The following NOC3L variants were observed in gnomAD, a reference collection of about 807,000 sequenced individuals.
The protein encoded by NOC3L is nucleolar complex protein 3 homolog.
NOC3L carries 85 observed loss-of-function variants against 102.5 expected under a neutral mutation model. The ratio of observed to expected loss-of-function variants is 0.83; its 90% CI spans 0.70 to 0.99. NOC3L has a LOEUF of 0.99. Ranked by LOEUF, NOC3L falls within the 50% of genes least tolerant of loss-of-function variation. The pLI is 0.00. For missense variants in NOC3L, 878 were observed against 914.9 expected (o/e 0.96, Z 0.52); for synonymous variants, 303 against 309.4 (o/e 0.98, Z 0.22).
chr10:94,356,596 A>G lies in NOC3L; in HGVS notation c.509-5T>C, dbSNP rs772735125. The G allele has an allele frequency of 3.3e-6, 5 of 1,512,468 alleles. No individual in the cohort carries two copies. The South Asian group carries it at 3.4e-5, about 10-fold the overall frequency. The allele number at this position is 1,512,468 out of a possible 1,614,324, so 93.7% of individuals were successfully genotyped here. Reference sequence around the variant, plus strand: ...CATCTTTGTTACTATCAGTAACTATATGGAAAACATATGTATTAAAACTGT... The same window carrying G: ...CATCTTTGTTACTATCAGTAACTATGTGGAAAACATATGTATTAAAACTGT... On this transcript the variant is annotated splice_region_variant and splice_polypyrimidine_tract_variant and intron_variant, in intron 4 of 20. Transcript: ENST00000371361.
At chr10:94,329,622 A>G (rs2054131784), downstream of NOC3L, 2 of 152,114 alleles carry the variant, frequency 1.3e-5, no homozygotes, top group Admixed American at 1.3e-4. Flanking sequence ...TACTAAAAGT[A>G]CAAAAATTAG....
the NOC3L span, among the ~76,000 whole-genome samples, chr10:94,319,286 C>G: frequency 6.6e-6 from 1 of 152,092 alleles, no homozygotes; most frequent in Non-Finnish European, 1.5e-5. Context: ...TCTAGGTTTA[C>G]CTGGTGCATA....
chr10:94,318,567 T>C, the NOC3L span, among the ~76,000 whole-genome samples: 1 of 152,112 alleles, frequency 6.6e-6, no homozygotes, highest in African/African-American at 2.4e-5. Context: ...TCCAGGTCAG[T>C]GTTCTTTCCA....
At chr10:94,330,643 G>A (rs145075576), downstream of NOC3L, 1 of 149,552 alleles carries the variant, frequency 6.7e-6, no homozygotes, top group African/African-American at 2.5e-5. Context: ...AGTGAGTGGA[G>A]ACTGTGCCAC....
chr10:94,326,606 G>A, the NOC3L span, among the ~76,000 whole-genome samples: 2 of 152,146 alleles, frequency 1.3e-5, no homozygotes, highest in Non-Finnish European at 2.9e-5. Flanking sequence ...TACTTCTTAA[G>A]TACAGAAGAA....
chr10:94,336,078 C>T (rs999935195), intron 19 of NOC3L, among the ~76,000 whole-genome samples: 11 of 152,148 alleles, frequency 7.2e-5, no homozygotes, highest in African/African-American at 2.2e-4. Context: ...TCAAGGTCAT[C>T]GCCAAGGTCT....
In NOC3L at chr10:94,353,077, TA is replaced by T; in HGVS notation, c.697-21del. On this transcript the variant is annotated intron_variant, in intron 6 of 20. Transcript: ENST00000371361. ...TTTAATCTGTTAAAGAAATAGCTTATAAAGCTGGAGAAATCATGACGAAACA... is the reference window on the plus strand; with the variant it reads ...TTTAATCTGTTAAAGAAATAGCTTATAAGCTGGAGAAATCATGACGAAACA... 1 of 1,574,362 alleles carries T rather than the reference TA, an allele frequency of 6.4e-7. No homozygotes were observed.
chr10:94,352,860 T>TTTAGATAGTAA (rs766925537), intron 7 of NOC3L, 36 bp downstream of exon 7: 2 of 1,568,242 alleles, frequency 1.3e-6, no homozygotes, highest in Non-Finnish European at 1.7e-6. Flanking sequence ...GTTTAGTTAT[T>TTTAGATAGTAA]TTAGATAGTA....
At chr10:94,357,989 A>T (rs1471958870) in intron 3 of NOC3L, 94 bp downstream of exon 3, 2 of 768,558 alleles carry the variant, frequency 2.6e-6, no homozygotes, top group Admixed American at 4.3e-5. Context: ...CATTGTGCTC[A>T]AAGGTGAACA....
chr10:94,343,363 T>A lies in NOC3L; in HGVS notation c.1571+1052A>T, dbSNP rs535814314. 4.6e-5 allele frequency among the ~76,000 whole-genome samples: 7 copies of A among 152,228 alleles called. No individual in the cohort carries two copies. In the South Asian group the frequency reaches 1.5e-3, roughly 32 times the overall value. ...TTCAAGATCAGCCTGGGCAATATGG[T>A]GAGAGCTTGTCTCTATTTAAAAACA... On this transcript the variant is annotated intron_variant, in intron 13 of 20. Coordinates refer to ENST00000371361, the MANE Select transcript of NOC3L (RefSeq NM_022451.11).
chr10:94,315,626 A>G, the NOC3L span, among the ~76,000 whole-genome samples: 1 of 152,204 alleles, frequency 6.6e-6, no homozygotes, highest in African/African-American at 2.4e-5. Flanking sequence ...AAGATTAGCC[A>G]GGCATGGTGG....
the NOC3L span, among the ~76,000 whole-genome samples, chr10:94,323,979 C>T: frequency 6.6e-6 from 1 of 152,224 alleles, no homozygotes; most frequent in Non-Finnish European, 1.5e-5. Context: ...GATTCTATTC[C>T]TCACTGGCTG....
At chr10:94,324,967 C>T in the NOC3L span, 24 of 1,614,100 alleles carry the variant, frequency 1.5e-5, no homozygotes, top group African/African-American at 3.1e-4. Context: ...AACTAAACAG[C>T]CCCGAGGACT....
the NOC3L span, among the ~76,000 whole-genome samples, chr10:94,318,863 C>G: frequency 1.3e-5 from 2 of 152,188 alleles, no homozygotes; most frequent in African/African-American, 4.8e-5. Context: ...GCCTGGCCAA[C>G]ATGGCAAAAC....
At chr10:94,355,153 A>T (rs1231150859) in intron 5 of NOC3L, 60 bp from the exon 6 acceptor site, 7 of 1,421,544 alleles carry the variant, frequency 4.9e-6, no homozygotes, top group Non-Finnish European at 6.7e-6. Context: ...CAAGAATCTT[A>T]ATAAAATATT....
chr10:94,317,016 C>T, the NOC3L span, among the ~76,000 whole-genome samples: 3 of 152,032 alleles, frequency 2.0e-5, no homozygotes, highest in South Asian at 2.1e-4. Flanking sequence ...TTTGGGAGGC[C>T]GAGGTGGGTG....
Position 94,349,317 on chromosome 10 carries a change from G to C in NOC3L, c.1190C>G (p.Ala397Gly). Residue 397 changes from alanine (A) to glycine (G), a missense_variant, in exon 10 of 21, where the codon GCT becomes GGT. Coordinates refer to ENST00000371361, the MANE Select transcript of NOC3L (RefSeq NM_022451.11). ...AATCACTTTAATTACACCAAGAGAA[G>C]CTTGGCCTAATTTATCTTGCTTAAA... ...KLFKQDKLGQ[A>G]SLGVIKVISG... 2.5e-6 allele frequency: 4 copies of C among 1,579,208 alleles called. No homozygotes were observed. Among genetic ancestry groups the C allele is most frequent in the Non-Finnish European group, 2.6e-6 (3 of 1,168,572 alleles).
At chr10:94,316,116 A>G in the NOC3L span, among the ~76,000 whole-genome samples, 2 of 152,204 alleles carry the variant, frequency 1.3e-5, no homozygotes, top group Admixed American at 6.5e-5. Context: ...CTTAGACCAC[A>G]TGAGAACCTA....
At chr10:94,337,724 G>GT in intron 19 of NOC3L, 53 bp downstream of exon 19, 1 of 1,178,530 alleles carries the variant, frequency 8.5e-7, no homozygotes, top group Non-Finnish European at 1.3e-6. Flanking sequence ...CTCATAGTAA[G>GT]TGGCTATCAG....
Sources: gnomAD v4.1 joint callset for allele counts (sites outside exome capture counted in the v4.1 genomes callset) on GRCh38, gnomAD v4.1.1 for gene constraint, MANE v1.5 for transcripts, NCBI Gene and HGNC (gene_info 2026-07-23, HGNC 2026-07-21) for gene names.